HIP1: variants seen among roughly 807,000 people sequenced by gnomAD.
The protein encoded by HIP1 is huntingtin-interacting protein 1.
A neutral mutation model predicts 147.6 loss-of-function variants in HIP1; 65 were observed. That is an observed-to-expected ratio of 0.44 (90% CI 0.36 to 0.54). HIP1 has a LOEUF of 0.54. Ranked by LOEUF, HIP1 falls within the 20% of genes least tolerant of loss-of-function variation. The pLI is 0.00. For synonymous variants in HIP1, 479 were observed against 504.0 expected (o/e 0.95, Z 0.67); for missense variants, 1,061 against 1,299.6 (o/e 0.82, Z 2.82).
intron 1 of HIP1, among the ~76,000 whole-genome samples, chr7:75,686,169 C>T (rs559625168): frequency 7.2e-5 from 11 of 152,160 alleles, no homozygotes; most frequent in Admixed American, 5.9e-4. Flanking sequence ...GGATTACAGG[C>T]GTGAGCCACT....
intron 1 of HIP1, among the ~76,000 whole-genome samples, chr7:75,632,140 T>C (rs1044329036): frequency 1.3e-5 from 2 of 152,142 alleles, no homozygotes; most frequent in African/African-American, 4.8e-5. Flanking sequence ...CAATTGCAAA[T>C]GTCTATTGAT....
At chr7:75,723,730 T>C (rs1801566632) in intron 1 of HIP1, among the ~76,000 whole-genome samples, 1 of 151,938 alleles carries the variant, frequency 6.6e-6, no homozygotes, top group South Asian at 2.1e-4. Context: ...CTTTTAAGGA[T>C]CTATGTGATT....
chr7:75,650,288 C>T (rs1310208554), intron 1 of HIP1, among the ~76,000 whole-genome samples: 1 of 152,058 alleles, frequency 6.6e-6, no homozygotes, highest in African/African-American at 2.4e-5. Context: ...GTGCCCCAGG[C>T]TGCCAGAGCT....
chr7:75,618,861 T>G (rs1248197827), intron 1 of HIP1, among the ~76,000 whole-genome samples: 1 of 151,808 alleles, frequency 6.6e-6, no homozygotes, highest in Admixed American at 6.6e-5. Flanking sequence ...CTTTTTTTTT[T>G]CTTCCAAGTT....
intron 2 of HIP1, 116 bp downstream of exon 2, chr7:75,599,068 G>A (rs1386650538): frequency 1.3e-6 from 1 of 749,994 alleles, no homozygotes; most frequent in Non-Finnish European, 2.4e-6. Context: ...GCAGGGACCT[G>A]GCCTGTGCAG....
At chr7:75,606,796 C>T (rs1319456709) in intron 1 of HIP1, among the ~76,000 whole-genome samples, 3 of 152,134 alleles carry the variant, frequency 2.0e-5, no homozygotes, top group Admixed American at 1.3e-4. Context: ...CTAATGAGTG[C>T]TTAGACCAGG....
chr7:75,659,396 C>T (rs549778088), intron 1 of HIP1, among the ~76,000 whole-genome samples: 1 of 152,326 alleles, frequency 6.6e-6, no homozygotes, highest in Non-Finnish European at 1.5e-5. Flanking sequence ...TGGTGGCTTA[C>T]ACCTGTAATC....
chr7:75,605,692 C>G (rs1472475710), intron 1 of HIP1, among the ~76,000 whole-genome samples: 2 of 152,148 alleles, frequency 1.3e-5, no homozygotes, highest in South Asian at 2.1e-4. Flanking sequence ...CACATTACCA[C>G]GCCTGGCTAA....
At chr7:75,700,437 C>A (rs1800789226) in intron 1 of HIP1, among the ~76,000 whole-genome samples, 1 of 152,164 alleles carries the variant, frequency 6.6e-6, no homozygotes, top group African/African-American at 2.4e-5. Context: ...CACCCAGAAC[C>A]CTGATGGGCC....
At chr7:75,620,207 G>A (rs1207948258) in intron 1 of HIP1, among the ~76,000 whole-genome samples, 1 of 151,300 alleles carries the variant, frequency 6.6e-6, no homozygotes, top group African/African-American at 2.4e-5. Flanking sequence ...GCAACATGGT[G>A]AAACCCTGTC....
At chr7:75,655,307 G>T (rs193027903) in intron 1 of HIP1, among the ~76,000 whole-genome samples, 1 of 151,792 alleles carries the variant, frequency 6.6e-6, no homozygotes, top group East Asian at 2.0e-4. Context: ...GGCCGGGCAC[G>T]GTGGCTCACG....
At chr7:75,684,199 C>T (rs1482831544) in intron 1 of HIP1, among the ~76,000 whole-genome samples, 7 of 152,064 alleles carry the variant, frequency 4.6e-5, no homozygotes, top group Non-Finnish European at 1.0e-4. Context: ...GTAATCCCAG[C>T]ACTTTGGGAG....
At chr7:75,633,061 C>T (rs931265577) in intron 1 of HIP1, among the ~76,000 whole-genome samples, 1 of 152,052 alleles carries the variant, frequency 6.6e-6, no homozygotes, top group Non-Finnish European at 1.5e-5. Context: ...GGGCTTAACA[C>T]GTAGGTGATG....
intron 18 of HIP1, 92 bp from the exon 19 acceptor site, chr7:75,555,643 C>A: frequency 7.2e-7 from 1 of 1,387,570 alleles, no homozygotes; most frequent in South Asian, 1.2e-5. Flanking sequence ...CATCTTAGCT[C>A]AAGTCATGGC....
chr7:75,705,631 A>G (rs1554519629), intron 1 of HIP1, among the ~76,000 whole-genome samples: 1 of 152,128 alleles, frequency 6.6e-6, no homozygotes, highest in African/African-American at 2.4e-5. Flanking sequence ...CTGGGATTAT[A>G]GACGTGAGCC....
intron 1 of HIP1, among the ~76,000 whole-genome samples, chr7:75,612,509 C>CA (rs376582645): frequency 3.1e-4 from 47 of 149,674 alleles, no homozygotes; most frequent in Middle Eastern, 3.5e-3. Flanking sequence ...CTCTGTCTCA[C>CA]AAAAAAAATA....
chr7:75,734,631 G>A (rs112916588), intron 1 of HIP1, among the ~76,000 whole-genome samples: 1 of 152,028 alleles, frequency 6.6e-6, no homozygotes, highest in African/African-American at 2.4e-5. Context: ...AGAGAGAAAT[G>A]ATGCCAGCAC....
chr7:75,660,815 A>G (rs1473078972), intron 1 of HIP1, among the ~76,000 whole-genome samples: 1 of 152,142 alleles, frequency 6.6e-6, no homozygotes, highest in Non-Finnish European at 1.5e-5. Context: ...CCAAAGCAAC[A>G]AAGAACCCCC....
intron 5 of HIP1, among the ~76,000 whole-genome samples, chr7:75,585,374 C>T (rs919169312): frequency 5.9e-5 from 9 of 151,842 alleles, no homozygotes; most frequent in African/African-American, 2.2e-4. Context: ...CGGAGTTTTG[C>T]CATGTTGGCC....
Sources: gnomAD v4.1 joint callset for allele counts (sites outside exome capture counted in the v4.1 genomes callset) on GRCh38, gnomAD v4.1.1 for gene constraint, MANE v1.5 for transcripts, NCBI Gene and HGNC (gene_info 2026-07-23, HGNC 2026-07-21) for gene names.